The following RASGRP3 variants were observed in gnomAD, a reference collection of about 807,000 sequenced individuals.
RASGRP3 encodes ras guanyl-releasing protein 3.
Under a neutral mutation model 82.7 loss-of-function variants are expected in RASGRP3, and 54 were observed. That is an observed-to-expected ratio of 0.65 (90% CI 0.52 to 0.82). RASGRP3 has a LOEUF of 0.82. RASGRP3 is among the 40% of genes least tolerant of loss of function. RASGRP3 has a pLI of 0.00. For missense variants in RASGRP3, 861 were observed against 828.9 expected, an observed-to-expected ratio of 1.04 and a Z score of -0.48; for synonymous variants, 309 against 300.5, an observed-to-expected ratio of 1.03 and a Z score of -0.29.
intron 15 of RASGRP3, among the ~76,000 whole-genome samples, chr2:33,556,102 A>G (rs1299119533): frequency 2.0e-5 from 3 of 152,306 alleles, no homozygotes; most frequent in African/African-American, 7.2e-5. Context: ...TGACAAATGC[A>G]ATATGCATGT....
chr2:33,471,198 A>G (rs561916476), intron 2 of RASGRP3, among the ~76,000 whole-genome samples: 15 of 149,566 alleles, frequency 1.0e-4, no homozygotes, highest in Non-Finnish European at 1.2e-4. Context: ...GTGGCAATCC[A>G]AAAGTTTTTC....
chr2:33,461,448 T>C (rs1239468142), intron 2 of RASGRP3, among the ~76,000 whole-genome samples: 7 of 152,208 alleles, frequency 4.6e-5, no homozygotes, highest in Non-Finnish European at 7.3e-5. Context: ...CAGCTAATTT[T>C]TGTATTTTTA....
intron 2 of RASGRP3, among the ~76,000 whole-genome samples, chr2:33,467,417 G>T (rs894639068): frequency 6.6e-6 from 1 of 152,080 alleles, no homozygotes; most frequent in Non-Finnish European, 1.5e-5. Context: ...GAACAAGAAG[G>T]GTAGAGAAAT....
chr2:33,446,767 G>C (rs1346776442), intron 1 of RASGRP3, among the ~76,000 whole-genome samples: 2 of 151,994 alleles, frequency 1.3e-5, no homozygotes, highest in East Asian at 3.9e-4. Context: ...TTCCGAGTCA[G>C]TTAAAGAAAA....
upstream of RASGRP3, among the ~76,000 whole-genome samples, chr2:33,475,853 C>T (rs1667327972): frequency 6.6e-6 from 1 of 152,208 alleles, no homozygotes; most frequent in Non-Finnish European, 1.5e-5. Flanking sequence ...AGTAGTGCGT[C>T]TGTAAAGCGC....
intron 10 of RASGRP3, among the ~76,000 whole-genome samples, chr2:33,531,314 A>G (rs1673089381): frequency 6.6e-6 from 1 of 152,216 alleles, no homozygotes; most frequent in African/African-American, 2.4e-5. Flanking sequence ...TTGAAATTCC[A>G]TTGATGAGCA....
At chr2:33,479,737 T>A (rs1449261601) in intron 1 of RASGRP3, among the ~76,000 whole-genome samples, 9 of 152,132 alleles carry the variant, frequency 5.9e-5, no homozygotes, top group African/African-American at 2.2e-4. Context: ...CATAAACCTG[T>A]GGATTTTCTG....
At chr2:33,472,048 A>G (rs1296187932), upstream of RASGRP3, among the ~76,000 whole-genome samples, 1 of 151,934 alleles carries the variant, frequency 6.6e-6, no homozygotes. Flanking sequence ...TTTTTTTGGT[A>G]GCCTAATATA....
intron 2 of RASGRP3, among the ~76,000 whole-genome samples, chr2:33,450,818 CTTTCTTTTTTTTTTTTTTTTTTT>C (rs1448578976): frequency 2.3e-5 from 1 of 43,422 alleles, no homozygotes; most frequent in Non-Finnish European, 4.6e-5. Flanking sequence ...CTCTTTCTTT[CTTTCTTTTTTTTTTTTTTTTTTT>C]TTTTTTTTTT....
chr2:33,526,353 G>A (rs776887330), intron 9 of RASGRP3, among the ~76,000 whole-genome samples: 5 of 152,302 alleles, frequency 3.3e-5, no homozygotes, highest in Admixed American at 6.5e-5. Flanking sequence ...AGCAACCAAC[G>A]ATAACTTGTC....
intron 1 of RASGRP3, among the ~76,000 whole-genome samples, chr2:33,500,467 C>T (rs1669759054): frequency 6.6e-6 from 1 of 151,908 alleles, no homozygotes; most frequent in Non-Finnish European, 1.5e-5. Flanking sequence ...AGATGAAGGG[C>T]AGTGGGCGAG....
intron 9 of RASGRP3, among the ~76,000 whole-genome samples, chr2:33,525,532 A>C (rs1157914208): frequency 6.6e-6 from 1 of 151,906 alleles, no homozygotes; most frequent in Non-Finnish European, 1.5e-5. Flanking sequence ...GTTTAAAAGA[A>C]AAAGAAAAAA....
chr2:33,548,859 TTG>T (rs766139865), intron 13 of RASGRP3, among the ~76,000 whole-genome samples: 78 of 152,164 alleles, frequency 5.1e-4, no homozygotes, highest in Admixed American at 2.0e-3. Context: ...CAGCTAATTT[TTG>T]TGTTTTTGGT....
chr2:33,478,830 C>T (rs1002367865), intron 1 of RASGRP3, among the ~76,000 whole-genome samples: 24 of 152,224 alleles, frequency 1.6e-4, no homozygotes, highest in African/African-American at 5.5e-4. Flanking sequence ...CAATCCCTTA[C>T]TTTTATTGTG....
chr2:33,442,300 G>T (rs1178631720), intron 1 of RASGRP3, among the ~76,000 whole-genome samples: 1 of 152,192 alleles, frequency 6.6e-6, no homozygotes, highest in Non-Finnish European at 1.5e-5. Flanking sequence ...AGAGGCGGAG[G>T]TTGCAGTGAG....
intron 1 of RASGRP3, chr2:33,482,594 G>C (rs1668034966): frequency 1.3e-5 from 2 of 152,222 alleles, no homozygotes; most frequent in South Asian, 2.1e-4. Context: ...AGTGTCCACT[G>C]TGATCATTTC....
chr2:33,490,954 AT>A (rs1187674260), intron 1 of RASGRP3, among the ~76,000 whole-genome samples: 5 of 152,312 alleles, frequency 3.3e-5, no homozygotes, highest in African/African-American at 1.2e-4. Flanking sequence ...AAACAGATAC[AT>A]TTTTTTCTGT....
At chr2:33,516,469 G>A (rs572323474) in intron 3 of RASGRP3, 73 bp from the exon 4 acceptor site, 67 of 978,120 alleles carry the variant, frequency 6.8e-5, no homozygotes, top group African/African-American at 2.1e-4. Context: ...ACACTACTGC[G>A]TCTCTACTGA....
Position 33,554,253 on chromosome 2 carries a change from G to C in RASGRP3, c.1543-1278G>C, listed in dbSNP as rs557739366. On this transcript the variant is annotated intron_variant, in intron 14 of 17. Transcript: ENST00000403687. Reference sequence around the variant, plus strand: ...GGGCATTGTTCACTTATAATACATTGTGAACATTGTGAACGGCACCCCCAT... The same window carrying C: ...GGGCATTGTTCACTTATAATACATTCTGAACATTGTGAACGGCACCCCCAT... 6.6e-5 allele frequency among the ~76,000 whole-genome samples: 10 copies of C among 152,232 alleles called. No homozygotes were observed. The South Asian group carries it at 2.1e-3, about 32-fold the overall frequency.
Sources: allele counts gnomAD v4.1 joint callset (sites outside exome capture counted in the v4.1 genomes callset), GRCh38; gene constraint gnomAD v4.1.1; transcripts MANE v1.5; gene names NCBI Gene and HGNC (gene_info 2026-07-23, HGNC 2026-07-21).